PRKN: variants seen among roughly 807,000 people sequenced by gnomAD.
PRKN encodes parkin RBR E3 ubiquitin protein ligase.
In PRKN, 56 loss-of-function variants were observed where a neutral mutation model predicts 59.5. The ratio of observed to expected loss-of-function variants is 0.94; its 90% CI spans 0.76 to 1.18. The LOEUF (loss-of-function observed/expected upper bound fraction) is 1.18, where lower values mean the gene tolerates loss of function less well. Ranked by LOEUF, PRKN falls within the 50% of genes most tolerant of loss-of-function variation. The pLI is 0.00. For missense variants in PRKN, 657 were observed against 596.4 expected (o/e 1.10, Z -1.06); for synonymous variants, 250 against 222.1 (o/e 1.13, Z -1.12).
intron 5 of PRKN, among the ~76,000 whole-genome samples, chr6:162,019,907 T>C (rs1395557533): frequency 6.6e-6 from 1 of 151,898 alleles, no homozygotes; most frequent in East Asian, 1.9e-4. Context: ...TAATCCCAGC[T>C]ACTCAGGAGG....
At chr6:161,726,965 T>C (rs1330614639) in intron 7 of PRKN, among the ~76,000 whole-genome samples, 1 of 152,216 alleles carries the variant, frequency 6.6e-6, no homozygotes, top group Admixed American at 6.5e-5. Context: ...GTCCTGGATG[T>C]TGTCACTAGG....
In PRKN at chr6:162,498,113, T is replaced by C. The variant is rs1793153419; in HGVS notation, c.8-54640A>G. ...AAAAAGAATGTATACATCCTTTACA[T>C]TGATGAGATCTCTAAACCAGTTGTG... On this transcript the variant is annotated intron_variant, in intron 1 of 11. Transcript: ENST00000366898. 2.0e-5 allele frequency among the ~76,000 whole-genome samples: 3 copies of C among 152,138 alleles called. No individual in the cohort carries two copies. In the South Asian group the frequency reaches 6.2e-4, roughly 32 times the overall value.
At chr6:161,710,709 G>A (rs1284498956) in intron 7 of PRKN, among the ~76,000 whole-genome samples, 1 of 152,114 alleles carries the variant, frequency 6.6e-6, no homozygotes, top group Admixed American at 6.5e-5. Context: ...GGCTCTGTCC[G>A]CAGGAGTCAC....
chr6:162,472,457 CTTTTA>C lies in PRKN; in HGVS notation c.8-28989_8-28985del, dbSNP rs368175916. Among the ~76,000 whole-genome samples the C allele has an allele frequency of 1.3e-3, 162 of 123,654 alleles. 5 individuals carry two copies. In the Middle Eastern group the frequency reaches 0.026, roughly 20 times the overall value. 81.1% of individuals were successfully genotyped at this position (123,654 alleles called of 152,430 possible). On this transcript the variant is annotated intron_variant, in intron 1 of 11. Coordinates refer to ENST00000366898, the MANE Select transcript of PRKN (RefSeq NM_004562.3). ...TGAGAACATGCAGTCCAAACTCTAA[CTTTTA>C]TTTTATTTTATTTTATTTTATTTTA...
chr6:162,517,999 G>C (rs1376250919), intron 1 of PRKN, among the ~76,000 whole-genome samples: 1 of 152,148 alleles, frequency 6.6e-6, no homozygotes, highest in Non-Finnish European at 1.5e-5. Context: ...ATTAGTAAAA[G>C]TGATAAAACT....
At position 161,470,391 on chromosome 6, in the gene PRKN, G is replaced by A. The variant is rs1790729468; in HGVS notation, c.1083+78463C>T. Reference sequence around the variant, plus strand: ...GAGCTGGGAGTGGTGGAAGACCTGAGGTTTTCCTCTAGGTAGAAGGAACTC... The same window carrying A: ...GAGCTGGGAGTGGTGGAAGACCTGAAGTTTTCCTCTAGGTAGAAGGAACTC... On this transcript the variant is annotated intron_variant, in intron 9 of 11. Coordinates refer to ENST00000366898, the MANE Select transcript of PRKN (RefSeq NM_004562.3). The surrounding 1 kb of genome is among the most constrained non-coding windows in gnomAD (Gnocchi z 5.1). Among the ~76,000 whole-genome samples, 1 of 152,112 alleles carries A rather than the reference G, an allele frequency of 6.6e-6. No individual in the cohort carries two copies. The highest frequency in any genetic ancestry group is 1.5e-5 in the Non-Finnish European group (1 of 68,028).
At chr6:162,102,867 C>G (rs1780032669) in intron 4 of PRKN, among the ~76,000 whole-genome samples, 1 of 151,626 alleles carries the variant, frequency 6.6e-6, no homozygotes, top group Non-Finnish European at 1.5e-5. Context: ...CACGGTGAAA[C>G]CCCGTCTCTA....
chr6:162,372,956 C>T (rs1785853229), intron 2 of PRKN, among the ~76,000 whole-genome samples: 1 of 152,016 alleles, frequency 6.6e-6, no homozygotes, highest in Non-Finnish European at 1.5e-5. Context: ...GTGTCAACTA[C>T]CGGAGGAGTA....
chr6:162,199,584 AGAG>A (rs1784635243), intron 4 of PRKN, among the ~76,000 whole-genome samples: 2 of 152,146 alleles, frequency 1.3e-5, no homozygotes, highest in East Asian at 3.9e-4. Flanking sequence ...TGAGAAAGCC[AGAG>A]GAGAGGAGCA....
intron 4 of PRKN, among the ~76,000 whole-genome samples, chr6:162,200,862 C>T (rs529920228): frequency 6.6e-6 from 1 of 152,206 alleles, no homozygotes; most frequent in East Asian, 1.9e-4. Flanking sequence ...CTTTTTGCTG[C>T]CAAAGCACTC....
At chr6:162,649,144 A>G (rs1562467750) in intron 1 of PRKN, among the ~76,000 whole-genome samples, 1 of 152,186 alleles carries the variant, frequency 6.6e-6, no homozygotes, top group Non-Finnish European at 1.5e-5. Context: ...CTTGACGGAT[A>G]CACATACTAA....
At chr6:161,683,872 A>G (rs1245695564) in intron 7 of PRKN, among the ~76,000 whole-genome samples, 1 of 152,170 alleles carries the variant, frequency 6.6e-6, no homozygotes, top group Admixed American at 6.5e-5. Flanking sequence ...GACAGCTGCC[A>G]TGATTTAAAT....
At chr6:162,398,036 C>CAAAA (rs10707854) in intron 2 of PRKN, among the ~76,000 whole-genome samples, 5 of 83,752 alleles carry the variant, frequency 6.0e-5, no homozygotes, top group Non-Finnish European at 8.2e-5. Flanking sequence ...GATTCTGACT[C>CAAAA]AAAAAAAAAA....
intron 1 of PRKN, among the ~76,000 whole-genome samples, chr6:162,608,462 T>C (rs139935841): frequency 3.3e-5 from 5 of 152,224 alleles, no homozygotes; most frequent in Non-Finnish European, 5.9e-5. Context: ...GGTTCGAGTA[T>C]AGACAGAGAT....
At chr6:161,820,499 T>G (rs1255083671) in intron 6 of PRKN, among the ~76,000 whole-genome samples, 1 of 148,066 alleles carries the variant, frequency 6.8e-6, no homozygotes, top group Non-Finnish European at 1.5e-5. Flanking sequence ...ATATAATATA[T>G]ACTATGTAAT....
intron 2 of PRKN, among the ~76,000 whole-genome samples, chr6:162,273,213 G>A (rs1358429830): frequency 6.6e-6 from 1 of 152,088 alleles, no homozygotes; most frequent in African/African-American, 2.4e-5. Context: ...CGAAGTTAGT[G>A]AAAATGGTTA....
intron 7 of PRKN, among the ~76,000 whole-genome samples, chr6:161,734,572 T>C (rs1787888391): frequency 6.6e-6 from 1 of 152,124 alleles, no homozygotes; most frequent in Admixed American, 6.5e-5. Context: ...TTGTGTTAAG[T>C]GTGTGGTAAT....
At chr6:161,850,161 A>G (rs1393898491) in intron 6 of PRKN, among the ~76,000 whole-genome samples, 2 of 152,210 alleles carry the variant, frequency 1.3e-5, no homozygotes, top group Non-Finnish European at 2.9e-5. Context: ...GAAGACAGCC[A>G]TGAGTAGATG....
At position 161,373,662 on chromosome 6, in the gene PRKN, C is replaced by T. The variant is rs1785533228; in HGVS notation, c.1167+13132G>A. On this transcript the variant is annotated intron_variant, in intron 10 of 11. Transcript: ENST00000366898. The surrounding 1 kb of genome is among the most constrained non-coding windows in gnomAD (Gnocchi z 4.8). ...GGGTGATGAGTTAAATGGGCTACAC[C>T]TCTGTGCTTGCGGGGTGCTGAGTTT... Among the ~76,000 whole-genome samples, 1 of 151,852 alleles carries T rather than the reference C, an allele frequency of 6.6e-6. No individual in the cohort carries two copies. Among genetic ancestry groups the T allele is most frequent in the Non-Finnish European group, 1.5e-5 (1 of 67,986 alleles).
Sources: gnomAD v4.1 joint callset for allele counts (sites outside exome capture counted in the v4.1 genomes callset) on GRCh38, gnomAD v4.1.1 for gene constraint, Gnocchi (gnomAD v3.1) non-coding constraint, MANE v1.5 for transcripts, NCBI Gene and HGNC (gene_info 2026-07-23, HGNC 2026-07-21) for gene names.